The following TOR1AIP1 variants were observed in gnomAD, a reference collection of about 807,000 sequenced individuals.
TOR1AIP1 encodes the protein torsin 1A interacting protein 1, also known as torsin-1A-interacting protein 1.
Under a neutral mutation model 63.3 loss-of-function variants are expected in TOR1AIP1, and 54 were observed. The observed-to-expected ratio is 0.85, with a 90% CI of 0.69 to 1.07. TOR1AIP1 has a LOEUF of 1.07. Ranked by LOEUF, TOR1AIP1 falls within the 50% of genes least tolerant of loss-of-function variation. TOR1AIP1 has a pLI of 0.00. For missense variants in TOR1AIP1, 736 were observed against 715.0 expected (o/e 1.03, Z -0.33); for synonymous variants, 294 against 273.5 (o/e 1.07, Z -0.74).
At chr1:179,903,815 T>C (rs1187618651) in intron 5 of TOR1AIP1, 151 bp from the exon 6 acceptor site, 1 of 523,188 alleles carries the variant, frequency 1.9e-6, no homozygotes, top group Non-Finnish European at 3.3e-6. Context: ...AGCCTAGAAA[T>C]TTTTTAAATA....
Position 179,918,287 on chromosome 1 carries a change from A to G in TOR1AIP1, c.*48A>G, listed in dbSNP as rs761198445. ...ATGTCCCAAGTTCTGAGAATTGTTC[A>G]CACTTTCTAACCAGAGACAGAATTC... On this transcript the variant is annotated 3_prime_UTR_variant, in exon 10 of 10. Coordinates refer to ENST00000606911, the MANE Select transcript of TOR1AIP1 (RefSeq NM_015602.4). 1 of 1,510,802 alleles carries G rather than the reference A, an allele frequency of 6.6e-7. No homozygotes were observed. The highest frequency in any genetic ancestry group is 8.8e-7 in the Non-Finnish European group (1 of 1,135,008). 93.6% of individuals were successfully genotyped at this position (1,510,802 alleles called of 1,614,324 possible).
chr1:179,905,547 A>C (rs2148478836), intron 6 of TOR1AIP1, among the ~76,000 whole-genome samples: 1 of 152,312 alleles, frequency 6.6e-6, no homozygotes, highest in Admixed American at 6.5e-5. Context: ...CAGTTGTGGA[A>C]AATTACTCTT....
intron 6 of TOR1AIP1, 72 bp downstream of exon 6, chr1:179,904,094 C>T (rs191839183): frequency 8.5e-7 from 1 of 1,172,040 alleles, no homozygotes; most frequent in African/African-American, 1.6e-5. Flanking sequence ...TGAAGATCCT[C>T]TTTTGAAATT....
Position 179,882,885 on chromosome 1 carries a change from C to T in TOR1AIP1, c.383C>T (p.Thr128Ile), listed in dbSNP as rs1647773232. The change falls in exon 1 of 10, where the codon ACC (threonine) becomes ATC (isoleucine). Residue 128 changes from threonine (T) to isoleucine (I), a missense_variant. By Grantham distance (89) the Thr-to-Ile change is moderately conservative. This residue lies in a region of TOR1AIP1 where 464 missense variants were observed against 371.0 expected (regional missense o/e 1.25). Transcript: ENST00000606911. ...GAGGAAATGAAGACGCGAAGGACTA[C>T]CCGCCTTCAGCAGCAGCACTCAGAG... ...ETEEMKTRRT[T>I]RLQQQHSEQP... 2.5e-6 allele frequency: 4 copies of T among 1,614,190 alleles called. No homozygotes were observed. The highest frequency in any genetic ancestry group is 1.6e-4 in the Middle Eastern group (1 of 6,062).
At position 179,882,577 on chromosome 1, in the gene TOR1AIP1, C is replaced by G. The variant is rs1422964083; in HGVS notation, c.75C>G (p.Ile25Met). The change falls in exon 1 of 10, where the codon ATC becomes ATG. Residue 25 changes from isoleucine (I) to methionine (M), a missense_variant. This residue lies in a region of TOR1AIP1 where 464 missense variants were observed against 371.0 expected (regional missense o/e 1.25). Coordinates refer to ENST00000606911, the MANE Select transcript of TOR1AIP1 (RefSeq NM_015602.4). The stretch of plus-strand genomic sequence containing the variant: ...TGTACGTCACCCCCAGGGCCCCCAT[C>G]CGAGAGGGAAGGGGCCGGCTCGCCC... Reference protein sequence around the residue: ...WGVYVTPRAPIREGRGRLAPQ... With the variant: ...WGVYVTPRAPMREGRGRLAPQ... 7.2e-6 allele frequency: 11 copies of G among 1,519,214 alleles called. No homozygotes were observed. The highest frequency in any genetic ancestry group is 8.8e-6 in the Non-Finnish European group (10 of 1,137,102). 94.1% of individuals were successfully genotyped at this position (1,519,214 alleles called of 1,614,324 possible).
intron 5 of TOR1AIP1, among the ~76,000 whole-genome samples, chr1:179,903,298 C>T (rs909843213): frequency 2.0e-5 from 3 of 151,814 alleles, no homozygotes; most frequent in Non-Finnish European, 2.9e-5. Context: ...AAAGAGTATA[C>T]AAAAATATTG....
In TOR1AIP1 at chr1:179,882,342, C is replaced by T; in HGVS notation, c.-161C>T. ...TGGGCCCAGAGGCAGGTTTGCTACA[C>T]AGCAGCGACGACGCAGGCGGCGGCC... On this transcript the variant is annotated 5_prime_UTR_variant, in exon 1 of 10. Transcript: ENST00000606911. The T allele has an allele frequency of 4.5e-6, 3 of 660,166 alleles. No homozygotes were observed. Among genetic ancestry groups the T allele is most frequent in the Non-Finnish European group, 7.0e-6 (3 of 429,644 alleles). The allele number at this position is 660,166 out of a possible 1,614,324, so 40.9% of individuals were successfully genotyped here.
At position 179,917,948 on chromosome 1, in the gene TOR1AIP1, C is replaced by A. The variant is rs1011893613; in HGVS notation, c.1461C>A (p.Gly487=). Residue 487 remains glycine (G), a synonymous_variant, in exon 10 of 10, where the codon GGC becomes GGA. Coordinates refer to ENST00000606911, the MANE Select transcript of TOR1AIP1 (RefSeq NM_015602.4). ...ACCGCTTTGAGTCATTTCCCGCAGG[C>A]TCTACTTTGATCTTCTACAAATATT... ...VVHRFESFPA[G]STLIFYKYCD... 1 of 1,614,118 alleles carries A rather than the reference C, an allele frequency of 6.2e-7. No individual in the cohort carries two copies. The highest frequency in any genetic ancestry group is 8.5e-7 in the Non-Finnish European group (1 of 1,180,060).
At chr1:179,913,504 G>A (rs1341044327) in intron 8 of TOR1AIP1, 1 of 691,068 alleles carries the variant, frequency 1.4e-6, no homozygotes, top group East Asian at 2.7e-5. Flanking sequence ...TGAGGATTAA[G>A]ATTTTTATAT....
chr1:179,882,950 G>C lies in TOR1AIP1; in HGVS notation c.448G>C (p.Gly150Arg). The change falls in exon 1 of 10, where the codon GGG becomes CGG. Residue 150 changes from glycine to arginine, a missense_variant. Physicochemically the swap from Gly to Arg is moderately radical, Grantham distance 125. Around this residue, in one of 2 missense-constraint regions of TOR1AIP1, gnomAD observed 464 missense variants for 371.0 expected, o/e 1.25. Coordinates refer to ENST00000606911, the MANE Select transcript of TOR1AIP1 (RefSeq NM_015602.4). The stretch of plus-strand genomic sequence containing the variant: ...GCCGTCTCCTGTTATGACCAGGAGA[G>C]GGCTGCGGGACTCTCATTCCTCTGA... ...LQPSPVMTRR[G>R]LRDSHSSEED... The C allele has an allele frequency of 6.2e-7, 1 of 1,613,374 alleles. No homozygotes were observed. The highest frequency in any genetic ancestry group is 8.5e-7 in the Non-Finnish European group (1 of 1,179,802).
chr1:179,894,252 A>G (rs914348445), intron 3 of TOR1AIP1, among the ~76,000 whole-genome samples: 31 of 146,256 alleles, frequency 2.1e-4, no homozygotes, highest in African/African-American at 3.3e-4. Context: ...CTCTGTCTCA[A>G]AAAAAAAAAA....
At position 179,907,913 on chromosome 1, in the gene TOR1AIP1, C is replaced by CTTTTT. The variant is rs34218138; in HGVS notation, c.838+66_838+70dup. The CTTTTT allele has an allele frequency of 4.7e-3, 1,688 of 356,086 alleles. 13 individuals are homozygous for CTTTTT. Among genetic ancestry groups the CTTTTT allele is most frequent in the South Asian group, 0.013 (309 of 23,730 alleles). The allele number at this position is 356,086 out of a possible 1,614,324, so 22.1% of individuals were successfully genotyped here. On this transcript the variant is annotated intron_variant, in intron 7 of 9. Coordinates refer to ENST00000606911, the MANE Select transcript of TOR1AIP1 (RefSeq NM_015602.4). ...TTTTTCAGCCAATCAATTCTTTTCT[C>CTTTTT]TTTTTTTTTTTTTTTTTTTTTGAGA...
At position 179,918,048 on chromosome 1, in the gene TOR1AIP1, A is replaced by G; in HGVS notation, c.1561A>G (p.Thr521Ala). The change falls in exon 10 of 10, where the codon ACA (threonine) becomes GCA (alanine). Residue 521 changes from threonine (T) to alanine (A), a missense_variant. By Grantham distance (58) the Thr-to-Ala change is moderately conservative. Coordinates refer to ENST00000606911, the MANE Select transcript of TOR1AIP1 (RefSeq NM_015602.4). ...TVLLEEETLG[T>A]SLGLKEVEEK... Reference sequence around the variant, plus strand: ...CTTATTGGAGGAAGAGACACTTGGAACAAGTCTAGGCCTAAAGGAAGTTGA... The same window carrying G: ...CTTATTGGAGGAAGAGACACTTGGAGCAAGTCTAGGCCTAAAGGAAGTTGA... 1 of 1,614,254 alleles carries G rather than the reference A, an allele frequency of 6.2e-7. No individual in the cohort carries two copies. Among genetic ancestry groups the G allele is most frequent in the African/African-American group, 1.3e-5 (1 of 75,070 alleles).
chr1:179,903,577 G>A (rs1466998546), intron 5 of TOR1AIP1, among the ~76,000 whole-genome samples: 5 of 150,872 alleles, frequency 3.3e-5, no homozygotes, highest in East Asian at 3.9e-4. Context: ...GTGCGATCTC[G>A]GCTCGCTGCA....
At chr1:179,894,697 AGAAAG>A (rs1316411229) in intron 3 of TOR1AIP1, among the ~76,000 whole-genome samples, 2 of 151,998 alleles carry the variant, frequency 1.3e-5, no homozygotes, top group Non-Finnish European at 2.9e-5. Flanking sequence ...AAAAAAAAAA[AGAAAG>A]GAAGGAAGCA....
intron 2 of TOR1AIP1, 151 bp downstream of exon 2, chr1:179,884,920 G>A (rs937100866): frequency 1.5e-5 from 8 of 516,494 alleles, no homozygotes; most frequent in East Asian, 6.8e-5. Flanking sequence ...TTGTAAGATA[G>A]GTATTATACC....
chr1:179,908,941 G>A (rs1427672376), intron 8 of TOR1AIP1, among the ~76,000 whole-genome samples: 2 of 152,146 alleles, frequency 1.3e-5, no homozygotes, highest in Non-Finnish European at 2.9e-5. Context: ...CGAGGTGGGT[G>A]GATCACGAGG....
chr1:179,902,372 C>T (rs1648495418), intron 5 of TOR1AIP1, among the ~76,000 whole-genome samples: 1 of 151,782 alleles, frequency 6.6e-6, no homozygotes, highest in African/African-American at 2.4e-5. Flanking sequence ...AAAATAAGTA[C>T]ATAAGCTGGT....
At chr1:179,886,709 G>C (rs1647918735) in intron 2 of TOR1AIP1, among the ~76,000 whole-genome samples, 1 of 152,184 alleles carries the variant, frequency 6.6e-6, no homozygotes, top group African/African-American at 2.4e-5. Context: ...TCTGCACATA[G>C]ATTACCTGGA....
Sources: gnomAD v4.1 joint callset for allele counts (sites outside exome capture counted in the v4.1 genomes callset) on GRCh38, gnomAD v4.1.1 for gene constraint, gnomAD v4.1.1 regional missense constraint, MANE v1.5 for transcripts, NCBI Gene and HGNC (gene_info 2026-07-23, HGNC 2026-07-21) for gene names.